WDPCP: variants seen among roughly 807,000 people sequenced by gnomAD.
WDPCP encodes the protein WD repeat-containing and planar cell polarity effector protein fritz homolog.
In WDPCP, 71 loss-of-function variants were observed where a neutral mutation model predicts 93.1. That is an observed-to-expected ratio of 0.76 (90% confidence interval 0.63 to 0.93). WDPCP has a LOEUF of 0.93. Ranked by LOEUF, WDPCP falls within the 40% of genes least tolerant of loss-of-function variation. The probability of loss-of-function intolerance (pLI) is 0.00; values close to 1 mark genes in which losing one functional copy is unlikely to be tolerated. For missense variants in WDPCP, 844 were observed against 887.4 expected (o/e 0.95, Z 0.62); for synonymous variants, 315 against 315.0 (o/e 1.00, Z 0.00).
chr2:63,768,339 C>CTTTTTTTTTTT (rs575874605), intron 2 of WDPCP, among the ~76,000 whole-genome samples: 2 of 137,454 alleles, frequency 1.5e-5, no homozygotes, highest in Non-Finnish European at 1.6e-5. Flanking sequence ...ATTTTTGTTC[C>CTTTTTTTTTTT]TTTTTTTTTT....
chr2:63,505,347 G>A (rs1309662878), intron 1 of WDPCP, among the ~76,000 whole-genome samples: 1 of 151,974 alleles, frequency 6.6e-6, no homozygotes, highest in East Asian at 1.9e-4. Context: ...GAAAGCCTGT[G>A]AATAAACCAC....
At chr2:63,169,312 G>T (rs1452370237) in intron 15 of WDPCP, among the ~76,000 whole-genome samples, 1 of 152,224 alleles carries the variant, frequency 6.6e-6, no homozygotes, top group Non-Finnish European at 1.5e-5. Context: ...ACTTGAAGGA[G>T]ATCATGGATG....
At chr2:63,572,247 T>A (rs1707564685) in intron 1 of WDPCP, among the ~76,000 whole-genome samples, 1 of 152,298 alleles carries the variant, frequency 6.6e-6, no homozygotes, top group Non-Finnish European at 1.5e-5. Context: ...CTAACACCAA[T>A]TGTTTCCTTA....
At chr2:63,794,737 C>T (rs896954229) in intron 2 of WDPCP, among the ~76,000 whole-genome samples, 5 of 152,174 alleles carry the variant, frequency 3.3e-5, no homozygotes, top group South Asian at 2.1e-4. Context: ...GTTGGGTTTT[C>T]GGTTACTTGC....
intron 6 of WDPCP, chr2:63,440,195 AAATGT>A (rs1697413243): frequency 1.3e-5 from 3 of 234,724 alleles, no homozygotes; most frequent in South Asian, 7.8e-5. Context: ...TGGATTCAGA[AAATGT>A]AATGTATTCT....
Position 63,549,338 on chromosome 2 carries a change from A to C in WDPCP, c.75+38859T>G, listed in dbSNP as rs563731511. ...TAAAAAGAGCCTCAAAGGAAATTTGAAGTAATTGGAAGGAAATAATAAAAT... is the reference window on the plus strand; with the variant it reads ...TAAAAAGAGCCTCAAAGGAAATTTGCAGTAATTGGAAGGAAATAATAAAAT... On this transcript the variant is annotated intron_variant, in intron 1 of 17. Coordinates refer to ENST00000272321, the MANE Select transcript of WDPCP (RefSeq NM_015910.7). 2.0e-4 allele frequency among the ~76,000 whole-genome samples: 31 copies of C among 152,166 alleles called. No homozygotes were observed. In the South Asian group the frequency reaches 5.8e-3, roughly 29 times the overall value.
chr2:63,506,352 C>CA (rs1488894199), intron 1 of WDPCP, among the ~76,000 whole-genome samples: 2 of 151,814 alleles, frequency 1.3e-5, no homozygotes, highest in African/African-American at 4.8e-5. Context: ...CAAAGTCCTA[C>CA]ACAGAGGACC....
At chr2:63,588,541 G>C (rs748180865), upstream of WDPCP, 2 of 585,334 alleles carry the variant, frequency 3.4e-6, no homozygotes, top group Non-Finnish European at 6.1e-6. Context: ...GGTCGATCCA[G>C]CTTTACGCAG....
intron 2 of WDPCP, among the ~76,000 whole-genome samples, chr2:63,795,398 G>A (rs1244967572): frequency 1.3e-5 from 2 of 151,896 alleles, no homozygotes; most frequent in African/African-American, 4.8e-5. Flanking sequence ...AGGTGCAGTG[G>A]TGCACATCTA....
At chr2:63,158,052 G>A (rs1176792323) in intron 15 of WDPCP, among the ~76,000 whole-genome samples, 1 of 150,924 alleles carries the variant, frequency 6.6e-6, no homozygotes, top group East Asian at 1.9e-4. Context: ...AATCTTTTCT[G>A]ATTTCCTTAA....
intron 6 of WDPCP, among the ~76,000 whole-genome samples, chr2:63,470,180 T>G (rs1699610809): frequency 6.6e-6 from 1 of 152,220 alleles, no homozygotes; most frequent in African/African-American, 2.4e-5. Context: ...TTTCTCTGTC[T>G]ACACCCACTC....
chr2:63,459,444 G>A (rs1698857409), intron 6 of WDPCP, among the ~76,000 whole-genome samples: 1 of 151,898 alleles, frequency 6.6e-6, no homozygotes, highest in Non-Finnish European at 1.5e-5. Context: ...CATACATATA[G>A]ACAAGAGGTA....
intron 2 of WDPCP, among the ~76,000 whole-genome samples, chr2:63,801,148 G>C (rs1276617843): frequency 6.6e-6 from 1 of 152,246 alleles, no homozygotes; most frequent in East Asian, 1.9e-4. Context: ...TGGGTGGCTG[G>C]TTCCAGCTCA....
intron 1 of WDPCP, among the ~76,000 whole-genome samples, chr2:63,554,427 T>A (rs1705917076): frequency 6.6e-6 from 1 of 152,064 alleles, no homozygotes; most frequent in East Asian, 1.9e-4. Flanking sequence ...ATGTTGTACT[T>A]GATCACCTGA....
chr2:63,345,982 T>C (rs1426635316), intron 12 of WDPCP, among the ~76,000 whole-genome samples: 1 of 152,112 alleles, frequency 6.6e-6, no homozygotes, highest in Non-Finnish European at 1.5e-5. Flanking sequence ...GTTGCAAGAA[T>C]TCGACACTAT....
chr2:63,437,539 C>G lies in WDPCP; in HGVS notation c.515G>C (p.Ser172Thr). 1 of 1,591,108 alleles carries G rather than the reference C, an allele frequency of 6.3e-7. No homozygotes were observed. The highest frequency in any genetic ancestry group is 8.6e-7 in the Non-Finnish European group (1 of 1,169,050). The change falls in exon 8 of 18, where the codon AGT becomes ACT. Residue 172 changes from serine to threonine, a missense_variant. Ser to Thr is a moderately conservative substitution (Grantham distance 58, BLOSUM62 1). Transcript: ENST00000272321. ...DTISDALLTD[S>T]FIILSFLAQN... ...TGCCAAAAATGATAAGATGATAAAA[C>G]TGTCTGTGAGAAGAGCTAAAAAACA...
chr2:63,365,068 A>G (rs1013974541), intron 12 of WDPCP, among the ~76,000 whole-genome samples: 2 of 152,204 alleles, frequency 1.3e-5, no homozygotes, highest in African/African-American at 4.8e-5. Flanking sequence ...TATACAATCA[A>G]CTTTGGCAAC....
intron 13 of WDPCP, among the ~76,000 whole-genome samples, chr2:63,270,814 T>A (rs957402525): frequency 3.9e-5 from 6 of 152,164 alleles, no homozygotes; most frequent in Admixed American, 2.6e-4. Flanking sequence ...ACCCTGAGAC[T>A]AGTATAGGGA....
intron 1 of WDPCP, among the ~76,000 whole-genome samples, chr2:63,539,833 A>G (rs971293045): frequency 7.2e-5 from 11 of 152,316 alleles, no homozygotes; most frequent in Admixed American, 4.6e-4. Flanking sequence ...AAGTATTGCC[A>G]TTTATTTATA....
Sources: allele counts gnomAD v4.1 joint callset (sites outside exome capture counted in the v4.1 genomes callset), GRCh38; gene constraint gnomAD v4.1.1; transcripts MANE v1.5; gene names NCBI Gene and HGNC (gene_info 2026-07-23, HGNC 2026-07-21).